Variants in SUGCT observed in about 807,000 individuals in gnomAD.
The protein encoded by SUGCT is succinyl-CoA:glutarate CoA-transferase.
In SUGCT, 41 loss-of-function variants were observed where a neutral mutation model predicts 55.0. The observed-to-expected ratio is 0.74, with a 90% CI of 0.58 to 0.97. The LOEUF (loss-of-function observed/expected upper bound fraction) is 0.97, where lower values mean the gene tolerates loss of function less well. Among genes scored for constraint, SUGCT ranks in the 50% least tolerant of loss-of-function variants. The pLI is 0.00. For synonymous variants in SUGCT, 187 were observed against 200.4 expected, an observed-to-expected ratio of 0.93 and a Z score of 0.56; for missense variants, 568 against 547.8, an observed-to-expected ratio of 1.04 and a Z score of -0.37.
the SUGCT span, among the ~76,000 whole-genome samples, chr7:40,905,418 A>G: frequency 1.3e-5 from 2 of 152,230 alleles, no homozygotes. Flanking sequence ...GAGCAAGCAT[A>G]ACTAATATTA....
At chr7:40,944,749 G>A in the SUGCT span, among the ~76,000 whole-genome samples, 22 of 146,808 alleles carry the variant, frequency 1.5e-4, no homozygotes, top group South Asian at 2.9e-3. Context: ...TTGGCAATGC[G>A]GGCTCTAATG....
Position 40,377,178 on chromosome 7 carries a change from C to CTT in SUGCT, c.816+60325_816+60326dup, listed in dbSNP as rs1181385915. Among the ~76,000 whole-genome samples, 3 of 16,014 alleles carry CTT rather than the reference C, an allele frequency of 1.9e-4. 1 individual carries two copies. Among genetic ancestry groups the CTT allele is most frequent in the Non-Finnish European group, 9.0e-4 (3 of 3,336 alleles). 10.5% of individuals were successfully genotyped at this position (16,014 alleles called of 152,430 possible). A position where few individuals can be genotyped will look rare whatever the true frequency, so the allele number is the denominator to read the frequency against. ...TCTTTCTTTCTTTCTTTCTTTCTTT[C>CTT]TTTCTTTCTTTCTTTCTTTCTTTTC... On this transcript the variant is annotated intron_variant, in intron 9 of 13. Transcript: ENST00000335693.
intron 13 of SUGCT, among the ~76,000 whole-genome samples, chr7:40,857,087 C>T (rs552858112): frequency 3.7e-4 from 57 of 152,114 alleles, no homozygotes; most frequent in African/African-American, 1.3e-3. Flanking sequence ...ACAGCTTGTA[C>T]GTATTTAAAA....
At chr7:40,625,078 C>T (rs1799461289) in intron 12 of SUGCT, among the ~76,000 whole-genome samples, 1 of 151,984 alleles carries the variant, frequency 6.6e-6, no homozygotes, top group Non-Finnish European at 1.5e-5. Context: ...TGCCTCAATC[C>T]CCCATTTCAT....
At chr7:40,203,389 C>T (rs1218984618) in intron 6 of SUGCT, among the ~76,000 whole-genome samples, 4 of 152,122 alleles carry the variant, frequency 2.6e-5, no homozygotes, top group Non-Finnish European at 5.9e-5. Flanking sequence ...GCAAATTTTG[C>T]TGAAGAAATA....
At chr7:40,845,064 T>TA (rs1793490387) in intron 13 of SUGCT, among the ~76,000 whole-genome samples, 4 of 152,198 alleles carry the variant, frequency 2.6e-5, no homozygotes, top group Admixed American at 2.0e-4. Flanking sequence ...GTTTATTTTT[T>TA]ATTTTTTATT....
rs192789263 is a variant in SUGCT at position 40,617,912 on chromosome 7, T to G, written c.1089+121526T>G. Among the ~76,000 whole-genome samples the G allele has an allele frequency of 9.2e-3, 1,401 of 152,324 alleles. 12 individuals are homozygous for G. Among genetic ancestry groups the G allele is most frequent in the Non-Finnish European group, 0.014 (968 of 68,018 alleles). ...TGTCATCGACTCTGAAATACTATTT[T>G]TCTTTTTGTTTTAATTGCCTTCTAC... On this transcript the variant is annotated intron_variant, in intron 12 of 13. Transcript: ENST00000335693.
At chr7:40,988,611 G>T in the SUGCT span, among the ~76,000 whole-genome samples, 1 of 151,912 alleles carries the variant, frequency 6.6e-6, no homozygotes, top group African/African-American at 2.4e-5. Flanking sequence ...AAAAGTGTGT[G>T]TTTAAAAAAA....
At chr7:41,033,637 G>GGA in the SUGCT span, among the ~76,000 whole-genome samples, 1 of 152,116 alleles carries the variant, frequency 6.6e-6, no homozygotes, top group Non-Finnish European at 1.5e-5. Flanking sequence ...ATGTGCACAT[G>GGA]CAGGAATTTC....
chr7:40,487,050 C>A (rs1436374214), intron 11 of SUGCT, among the ~76,000 whole-genome samples: 3 of 145,672 alleles, frequency 2.1e-5, no homozygotes, highest in Non-Finnish European at 4.5e-5. Flanking sequence ...CTATTTTGGT[C>A]AGAAAAGATA....
chr7:40,627,849 C>T (rs1346023599), intron 12 of SUGCT, among the ~76,000 whole-genome samples: 4 of 152,012 alleles, frequency 2.6e-5, no homozygotes, highest in African/African-American at 9.7e-5. Context: ...TGAAACTTCT[C>T]TGCCAGGGCT....
At chr7:40,279,197 A>G (rs1045380964) in intron 8 of SUGCT, among the ~76,000 whole-genome samples, 2 of 152,100 alleles carry the variant, frequency 1.3e-5, no homozygotes, top group Non-Finnish European at 2.9e-5. Flanking sequence ...AGAATCTTAC[A>G]GTAGTTCCCA....
chr7:40,381,029 C>T (rs1784841808), intron 9 of SUGCT, among the ~76,000 whole-genome samples: 1 of 152,008 alleles, frequency 6.6e-6, no homozygotes, highest in Non-Finnish European at 1.5e-5. Context: ...TGAAATAATA[C>T]CATCATTTGT....
intron 13 of SUGCT, among the ~76,000 whole-genome samples, chr7:40,847,411 C>CTTTTTTTTTTTTT (rs981613426): frequency 9.0e-4 from 68 of 75,384 alleles, no homozygotes; most frequent in South Asian, 1.2e-3. Flanking sequence ...TTCTTTCTTT[C>CTTTTTTTTTTTTT]TTTTTTTTTT....
chr7:40,220,306 G>C (rs1787951133), intron 6 of SUGCT, among the ~76,000 whole-genome samples: 1 of 152,120 alleles, frequency 6.6e-6, no homozygotes, highest in African/African-American at 2.4e-5. Context: ...ATTCCATCTG[G>C]CTGTAATGAT....
rs985107664 is a variant in SUGCT, at chr7:40,141,833, G to A, written c.100+6713G>A. Reference sequence around the variant, plus strand: ...TCTTTTTAATTCTCAGCAAGGCAATGTACTTCTATAGAAGAATGCGCCCTT... The same window carrying A: ...TCTTTTTAATTCTCAGCAAGGCAATATACTTCTATAGAAGAATGCGCCCTT... On this transcript the variant is annotated intron_variant, in intron 1 of 13. Coordinates refer to ENST00000335693, the MANE Select transcript of SUGCT (RefSeq NM_001193313.2). The A allele has an allele frequency of 1.4e-5, 6 of 416,980 alleles. No homozygotes were observed. In the East Asian group the frequency reaches 4.4e-4, roughly 31 times the overall value. The allele number at this position is 416,980 out of a possible 1,614,324, so 25.8% of individuals were successfully genotyped here. A position where few individuals can be genotyped will look rare whatever the true frequency, so the allele number is the denominator to read the frequency against.
At position 40,706,233 on chromosome 7, in the gene SUGCT, G is replaced by A. The variant is rs528980296; in HGVS notation, c.1090-43201G>A. On this transcript the variant is annotated intron_variant, in intron 12 of 13. Coordinates refer to ENST00000335693, the MANE Select transcript of SUGCT (RefSeq NM_001193313.2). Reference sequence around the variant, plus strand: ...AAAAGTCATTATGGAGTGGCTGGGCGCAGTGGCTCATGCCTGTAATCCCAA... The same window carrying A: ...AAAAGTCATTATGGAGTGGCTGGGCACAGTGGCTCATGCCTGTAATCCCAA... 5.9e-5 allele frequency among the ~76,000 whole-genome samples: 9 copies of A among 152,258 alleles called. No homozygotes were observed. In the East Asian group the frequency reaches 1.2e-3, roughly 20 times the overall value.
intron 5 of SUGCT, among the ~76,000 whole-genome samples, chr7:40,192,694 C>T (rs1396070655): frequency 2.1e-5 from 3 of 142,106 alleles, no homozygotes; most frequent in South Asian, 2.2e-4. Flanking sequence ...TACAATGGTG[C>T]GATCTCGGCT....
At chr7:40,850,524 T>C (rs962750779) in intron 13 of SUGCT, among the ~76,000 whole-genome samples, 1 of 152,214 alleles carries the variant, frequency 6.6e-6, no homozygotes, top group Non-Finnish European at 1.5e-5. Flanking sequence ...GTACACGTCC[T>C]GATGCTGTTA....
Sources: gnomAD v4.1 joint callset for allele counts (sites outside exome capture counted in the v4.1 genomes callset) on GRCh38, gnomAD v4.1.1 for gene constraint, MANE v1.5 for transcripts, NCBI Gene and HGNC (gene_info 2026-07-23, HGNC 2026-07-21) for gene names.